The following KIAA1549 variants were observed in gnomAD, a reference collection of about 807,000 sequenced individuals.
The protein encoded by KIAA1549 is KIAA1549.
KIAA1549 carries 70 observed loss-of-function variants against 156.4 expected under a neutral mutation model. The ratio of observed to expected loss-of-function variants is 0.45; its 90% CI spans 0.37 to 0.55. The LOEUF (loss-of-function observed/expected upper bound fraction) is 0.55. Ranked by LOEUF, KIAA1549 falls within the 20% of genes least tolerant of loss-of-function variation. KIAA1549 has a pLI of 0.00. For synonymous variants in KIAA1549, 1,103 were observed against 1,066.4 expected, an observed-to-expected ratio of 1.03 and a Z score of -0.67; for missense variants, 2,428 against 2,540.9, an observed-to-expected ratio of 0.96 and a Z score of 0.96.
At chr7:138,958,826 C>T (rs1042529715) in intron 1 of KIAA1549, among the ~76,000 whole-genome samples, 1 of 152,114 alleles carries the variant, frequency 6.6e-6, no homozygotes, top group African/African-American at 2.4e-5. Context: ...TGTCCAGGTA[C>T]GTACCAGTTA....
At chr7:138,905,692 A>T (rs1329728861) in intron 6 of KIAA1549, among the ~76,000 whole-genome samples, 1 of 151,742 alleles carries the variant, frequency 6.6e-6, no homozygotes, top group African/African-American at 2.4e-5. Context: ...CCTGATTTCA[A>T]CTCTGGAATC....
chr7:138,945,284 C>T (rs759636942), intron 1 of KIAA1549, among the ~76,000 whole-genome samples: 1 of 152,204 alleles, frequency 6.6e-6, no homozygotes, highest in African/African-American at 2.4e-5. Context: ...GGTGCCTTAG[C>T]GCCAGCCACT....
intron 6 of KIAA1549, among the ~76,000 whole-genome samples, chr7:138,906,260 C>A (rs1173207962): frequency 6.6e-6 from 1 of 152,322 alleles, no homozygotes; most frequent in Non-Finnish European, 1.5e-5. Context: ...CATGTCATTA[C>A]ACATTTGTTC....
rs764539309 is a variant in KIAA1549, at chr7:138,911,130, T to C, written c.3145+16A>G. On this transcript the variant is annotated intron_variant, in intron 4 of 19. Coordinates refer to ENST00000422774, the MANE Select transcript of KIAA1549 (RefSeq NM_001164665.2). The stretch of plus-strand genomic sequence containing the variant: ...TTCTTTTTACAAATAAAAACAACTA[T>C]GCTGAGCTGTCTCACCTGTTTGAAC... 1 of 1,500,862 alleles carries C rather than the reference T, an allele frequency of 6.7e-7. No individual in the cohort carries two copies. Among genetic ancestry groups the C allele is most frequent in the Non-Finnish European group, 8.9e-7 (1 of 1,121,194 alleles). The allele number at this position is 1,500,862 out of a possible 1,614,324, so 93.0% of individuals were successfully genotyped here.
chr7:138,881,533 G>C lies in KIAA1549; in HGVS notation c.4084C>G (p.Gln1362Glu). ...GFDFAKQHLG[Q>E]HNKDDILIIH... is the part of the protein sequence containing the mutation. ...ATCAATATGTCGTCTTTATTGTGCT[G>C]ACCCAGATGCTGCTTAGCAAAATCG... is the stretch of plus-strand genomic sequence containing the variant. The change falls in exon 11 of 20, where the codon CAG (glutamine) becomes GAG (glutamate). Residue 1362 changes from glutamine to glutamate, a missense_variant. Transcript: ENST00000422774. The C allele has an allele frequency of 6.2e-7, 1 of 1,613,910 alleles. No homozygotes were observed. Among genetic ancestry groups the C allele is most frequent in the Non-Finnish European group, 8.5e-7 (1 of 1,179,880 alleles).
chr7:138,903,482 T>C, intron 8 of KIAA1549, 106 bp downstream of exon 8: 1 of 1,186,996 alleles, frequency 8.4e-7, no homozygotes, highest in Non-Finnish European at 1.2e-6. Context: ...CTCATGGCAC[T>C]TCTCATTTGC....
At chr7:138,940,993 T>C (rs1039703424) in intron 1 of KIAA1549, among the ~76,000 whole-genome samples, 14 of 152,278 alleles carry the variant, frequency 9.2e-5, no homozygotes, top group Admixed American at 5.2e-4. Context: ...GTAGTTTCTT[T>C]TGCTGTGCAG....
At chr7:138,941,660 A>G (rs1268787850) in intron 1 of KIAA1549, among the ~76,000 whole-genome samples, 2 of 152,216 alleles carry the variant, frequency 1.3e-5, no homozygotes, top group Admixed American at 6.5e-5. Context: ...CCTTCCGCAT[A>G]ATCACTTACT....
At chr7:138,910,136 G>C (rs1341579357) in intron 4 of KIAA1549, among the ~76,000 whole-genome samples, 1 of 152,152 alleles carries the variant, frequency 6.6e-6, no homozygotes, top group Non-Finnish European at 1.5e-5. Flanking sequence ...AGACTGGCTA[G>C]GAACGGAAAA....
chr7:138,834,886 G>T lies in KIAA1549; in HGVS notation c.*3020C>A. 1 of 231,842 alleles carries T rather than the reference G, an allele frequency of 4.3e-6. No homozygotes were observed. The highest frequency in any genetic ancestry group is 8.5e-6 in the Non-Finnish European group (1 of 117,286). The allele number at this position is 231,842 out of a possible 1,614,324, so 14.4% of individuals were successfully genotyped here. On this transcript the variant is annotated 3_prime_UTR_variant, in exon 20 of 20. Coordinates refer to ENST00000422774, the MANE Select transcript of KIAA1549 (RefSeq NM_001164665.2). ...AACTACGGTGCCTGGGAGGTGGCGGGGGAGGTCTGTTCTTGTTTGGCTTAT... is the reference window on the plus strand; with the variant it reads ...AACTACGGTGCCTGGGAGGTGGCGGTGGAGGTCTGTTCTTGTTTGGCTTAT...
At position 138,838,112 on chromosome 7, in the gene KIAA1549, C is replaced by T; in HGVS notation, c.5647G>A (p.Val1883Met). 6.5e-7 allele frequency: 1 copy of T among 1,542,868 alleles called. No homozygotes were observed. The highest frequency in any genetic ancestry group is 2.4e-5 in the East Asian group (1 of 42,430). ...GGCTCCCTGCCTGAAGTCCTTGGCA[C>T]CTGAAATAGCGGTGAAGAAGAATAC... Reference protein sequence around the residue: ...QEYSSSPLFQVPRTSGREPSA... With the variant: ...QEYSSSPLFQMPRTSGREPSA... The change falls in exon 20 of 20, where the codon GTG becomes ATG. Residue 1883 changes from valine (V) to methionine (M), a missense_variant. Physicochemically the swap from Val to Met is conservative, Grantham distance 21. Coordinates refer to ENST00000422774, the MANE Select transcript of KIAA1549 (RefSeq NM_001164665.2).
intron 15 of KIAA1549, among the ~76,000 whole-genome samples, chr7:138,862,272 A>T (rs1415149263): frequency 6.6e-6 from 1 of 152,140 alleles, no homozygotes; most frequent in Non-Finnish European, 1.5e-5. Context: ...AGGCAGGAAG[A>T]TCATTTCCAG....
intron 1 of KIAA1549, among the ~76,000 whole-genome samples, chr7:138,945,691 C>A (rs567705001): frequency 6.6e-6 from 1 of 152,250 alleles, no homozygotes; most frequent in Admixed American, 6.5e-5. Context: ...AAAACCAGAA[C>A]GCTAACACTT....
intron 1 of KIAA1549, among the ~76,000 whole-genome samples, chr7:138,921,775 G>C (rs560930527): frequency 2.6e-5 from 4 of 152,160 alleles, no homozygotes; most frequent in African/African-American, 9.7e-5. Context: ...TGAGGCAGGA[G>C]AATCGCTTGA....
In KIAA1549 at chr7:138,918,506, G is replaced by A. The variant is rs1812424748; in HGVS notation, c.1120C>T (p.Pro374Ser). Residue 374 changes from proline to serine, a missense_variant, in exon 2 of 20, where the codon CCA (proline) becomes TCA (serine). Pro to Ser is a moderately conservative substitution (Grantham distance 74). This residue lies in a region of KIAA1549 where 893 missense variants were observed against 847.9 expected (regional missense o/e 1.05). Transcript: ENST00000422774. This position sits in a 1 kb window ranked among gnomAD's most constrained non-coding sequence, Gnocchi z 4.2. ...TPLAFASSAS[P>S]TDVSSNPFLP... is the part of the protein sequence containing the mutation. Reference sequence around the variant, plus strand: ...AAGGGGTTAGATGAAACATCAGTTGGTGAAGCAGAGGACGCAAATGCAAGA... The same window carrying A: ...AAGGGGTTAGATGAAACATCAGTTGATGAAGCAGAGGACGCAAATGCAAGA... 1.9e-6 allele frequency: 3 copies of A among 1,614,056 alleles called. No homozygotes were observed. Among genetic ancestry groups the A allele is most frequent in the Non-Finnish European group, 2.5e-6 (3 of 1,179,896 alleles).
chr7:138,904,887 A>G, intron 7 of KIAA1549, 135 bp downstream of exon 7: 1 of 601,196 alleles, frequency 1.7e-6, no homozygotes. Flanking sequence ...ATCCCTTTCC[A>G]TTCATTCTTT....
At position 138,868,032 on chromosome 7, in the gene KIAA1549, G is replaced by A. The variant is rs372640527; in HGVS notation, c.4872C>T (p.Ser1624=). ...AEKDRLITTD[S]DGTYRRPPGV... ...CGGGGGGCCTCCTGTAGGTGCCATC[G>A]CTGTCTGTGGTGATGAGCCGGTCCT... Residue 1624 remains serine (S), a synonymous_variant, in exon 15 of 20, where the codon AGC becomes AGT. Transcript: ENST00000422774. The A allele has an allele frequency of 5.1e-4, 820 of 1,613,914 alleles. 3 individuals carry two copies. Among genetic ancestry groups the A allele is most frequent in the Non-Finnish European group, 6.2e-4 (732 of 1,179,838 alleles).
chr7:138,930,823 G>T (rs745672665), intron 1 of KIAA1549, among the ~76,000 whole-genome samples: 8 of 152,148 alleles, frequency 5.3e-5, no homozygotes, highest in Non-Finnish European at 1.5e-5. Flanking sequence ...TTTCCTTCAA[G>T]AACTTTTCCT....
intron 1 of KIAA1549, among the ~76,000 whole-genome samples, chr7:138,955,488 G>A (rs1042360250): frequency 6.6e-6 from 1 of 152,204 alleles, no homozygotes; most frequent in African/African-American, 2.4e-5. Context: ...GAAATGAGGA[G>A]TTGCTTGATG....
Sources: gnomAD v4.1 joint callset for allele counts (sites outside exome capture counted in the v4.1 genomes callset) on GRCh38, gnomAD v4.1.1 for gene constraint, gnomAD v4.1.1 regional missense constraint, Gnocchi (gnomAD v3.1) non-coding constraint, MANE v1.5 for transcripts, NCBI Gene and HGNC (gene_info 2026-07-23, HGNC 2026-07-21) for gene names.